Variants in STYXL1 observed in about 807,000 individuals in gnomAD.
STYXL1 encodes the protein serine/threonine/tyrosine interacting like 1, also known as serine/threonine/tyrosine-interacting-like protein 1.
In STYXL1, 32 loss-of-function variants were observed where a neutral mutation model predicts 36.4. The observed-to-expected ratio is 0.88, with a 90% CI of 0.66 to 1.18. STYXL1 has a LOEUF of 1.18. Among genes scored for constraint, STYXL1 ranks in the 50% most tolerant of loss-of-function variants. The pLI is 0.00. For synonymous variants in STYXL1, 133 were observed against 144.1 expected (o/e 0.92, Z 0.55); for missense variants, 354 against 394.1 (o/e 0.90, Z 0.86).
At chr7:76,045,163 C>T (rs782106709) in intron 1 of STYXL1, 4 of 152,202 alleles carry the variant, frequency 2.6e-5, no homozygotes, top group Non-Finnish European at 4.4e-5. Flanking sequence ...TCTTTCACTC[C>T]TCAAACCCAG....
chr7:76,017,172 A>C (rs1793475953), intron 4 of STYXL1, among the ~76,000 whole-genome samples: 1 of 151,882 alleles, frequency 6.6e-6, no homozygotes, highest in South Asian at 2.1e-4. Flanking sequence ...ACAGGCATGC[A>C]CCACCATGCC....
At chr7:76,015,453 T>C (rs868914797) in intron 4 of STYXL1, among the ~76,000 whole-genome samples, 15 of 152,304 alleles carry the variant, frequency 9.8e-5, no homozygotes, top group African/African-American at 3.4e-4. Flanking sequence ...TTCTTGACAT[T>C]GGCCTTGGCA....
Position 76,040,727 on chromosome 7 carries a change from T to C in STYXL1, c.-5+6935A>G, listed in dbSNP as rs557114240. On this transcript the variant is annotated intron_variant, in intron 1 of 8. Coordinates refer to ENST00000359697, the MANE Select transcript of STYXL1 (RefSeq NM_001317785.2). Reference sequence around the variant, plus strand: ...GGCGCATACCTGTAATCCCAGCTACTCCGGAGGCTGAGGCAGGAAAATCGC... The same window carrying C: ...GGCGCATACCTGTAATCCCAGCTACCCCGGAGGCTGAGGCAGGAAAATCGC... 3.3e-5 allele frequency among the ~76,000 whole-genome samples: 5 copies of C among 151,518 alleles called. No homozygotes were observed. In the South Asian group the frequency reaches 1.0e-3, roughly 32 times the overall value.
chr7:76,016,905 T>C (rs568442219), intron 4 of STYXL1, among the ~76,000 whole-genome samples: 1 of 152,230 alleles, frequency 6.6e-6, no homozygotes, highest in Admixed American at 6.5e-5. Flanking sequence ...AAAGAAAATA[T>C]ATTGTTACAC....
intron 1 of STYXL1, among the ~76,000 whole-genome samples, chr7:76,035,418 C>T (rs539532390): frequency 7.3e-6 from 1 of 137,250 alleles, no homozygotes; most frequent in East Asian, 1.9e-4. Flanking sequence ...CCTGTCTTGT[C>T]CACTGCTAGG....
chr7:76,006,411 G>A (rs1791773062), intron 5 of STYXL1, among the ~76,000 whole-genome samples: 1 of 152,078 alleles, frequency 6.6e-6, no homozygotes, highest in Non-Finnish European at 1.5e-5. Flanking sequence ...GAGGGGTAGA[G>A]AGAACAAGAC....
At chr7:76,025,721 T>C (rs138773250) in intron 3 of STYXL1, among the ~76,000 whole-genome samples, 342 of 150,956 alleles carry the variant, frequency 2.3e-3, no homozygotes, top group Non-Finnish European at 3.9e-3. Context: ...ACTTGGGAGA[T>C]GGAGGTTGCA....
chr7:76,027,348 A>C (rs972502515), intron 3 of STYXL1, among the ~76,000 whole-genome samples: 6 of 152,050 alleles, frequency 3.9e-5, no homozygotes, highest in Non-Finnish European at 8.8e-5. Flanking sequence ...ATGGGAAGGA[A>C]AAAAGGGAGA....
At position 76,020,878 on chromosome 7, in the gene STYXL1, G is replaced by A. The variant is rs888037564; in HGVS notation, c.307+973C>T. Among the ~76,000 whole-genome samples the A allele has an allele frequency of 5.9e-5, 9 of 152,154 alleles. No homozygotes were observed. In the South Asian group the frequency reaches 1.7e-3, roughly 28 times the overall value. On this transcript the variant is annotated intron_variant, in intron 4 of 8. Coordinates refer to ENST00000359697, the MANE Select transcript of STYXL1 (RefSeq NM_001317785.2). Reference sequence around the variant, plus strand: ...TCTGCAGATCCAAGTAAAGCCCTTGGTTCCTGGTGCATGGCACACATGGAA... The same window carrying A: ...TCTGCAGATCCAAGTAAAGCCCTTGATTCCTGGTGCATGGCACACATGGAA...
intron 5 of STYXL1, among the ~76,000 whole-genome samples, chr7:76,008,673 G>A (rs534448860): frequency 1.9e-4 from 29 of 152,266 alleles, no homozygotes; most frequent in African/African-American, 6.0e-4. Flanking sequence ...TCAGCTTGCT[G>A]GTGCCAAATG....
At chr7:76,001,154 A>T in intron 7 of STYXL1, 152 bp from the exon 8 acceptor site, 1 of 646,706 alleles carries the variant, frequency 1.5e-6, no homozygotes, top group South Asian at 1.7e-5. Flanking sequence ...TTTCTCTGGG[A>T]GCCCATTTCA....
chr7:76,025,427 G>A (rs1449680136), intron 3 of STYXL1, among the ~76,000 whole-genome samples: 7 of 152,188 alleles, frequency 4.6e-5, no homozygotes, highest in Admixed American at 4.6e-4. Flanking sequence ...AGCTGAGTGG[G>A]AATAGAGGCC....
chr7:76,009,672 A>G (rs1266901103), intron 5 of STYXL1, among the ~76,000 whole-genome samples: 1 of 152,154 alleles, frequency 6.6e-6, no homozygotes, highest in South Asian at 2.1e-4. Context: ...GCCTCCCAAA[A>G]TGCTGGGATT....
At chr7:76,038,749 G>A (rs1413438458) in intron 1 of STYXL1, among the ~76,000 whole-genome samples, 1 of 141,244 alleles carries the variant, frequency 7.1e-6, no homozygotes, top group Non-Finnish European at 1.5e-5. Context: ...GCCTCAAGGC[G>A]AGCTAACTAA....
Position 75,999,491 on chromosome 7 carries a change from T to TTATG in STYXL1, c.810+1398_810+1399insCATA, listed in dbSNP as rs1554565569. Among the ~76,000 whole-genome samples, 24 of 111,284 alleles carry TTATG rather than the reference T, an allele frequency of 2.2e-4. No individual in the cohort carries two copies. The South Asian group carries it at 6.7e-3, about 31-fold the overall frequency. 73.0% of individuals were successfully genotyped at this position (111,284 alleles called of 152,430 possible). Reference sequence around the variant, plus strand: ...AATAGTTAAGATGGTAATTTTTTTGTTGTGTGTGTGTGTGTGTGTATGTGT... The same window carrying TTATG: ...AATAGTTAAGATGGTAATTTTTTTGTTATGTGTGTGTGTGTGTGTGTGTATGTGT... On this transcript the variant is annotated intron_variant, in intron 8 of 8. Coordinates refer to ENST00000359697, the MANE Select transcript of STYXL1 (RefSeq NM_001317785.2).
Position 76,005,359 on chromosome 7 carries a change from T to G in STYXL1, c.499A>C (p.Lys167Gln). The G allele has an allele frequency of 6.2e-7, 1 of 1,613,538 alleles. No homozygotes were observed. The highest frequency in any genetic ancestry group is 8.5e-7 in the Non-Finnish European group (1 of 1,179,606). Residue 167 changes from lysine (K) to glutamine (Q), a missense_variant, in exon 6 of 9, where the codon AAG (lysine) becomes CAG (glutamine). By Grantham distance (53) the Lys-to-Gln change is moderately conservative. Coordinates refer to ENST00000359697, the MANE Select transcript of STYXL1 (RefSeq NM_001317785.2). ...TGACTGAAATTGCCAACGAAGACCT[T>G]CCCTGGCACGATTTCAATGGGGTAT... ...QPYPIEIVPG[K>Q]VFVGNFSQAC... is the part of the protein sequence containing the mutation.
intron 7 of STYXL1, among the ~76,000 whole-genome samples, chr7:76,001,440 C>A (rs1306047521): frequency 6.6e-6 from 1 of 152,132 alleles, no homozygotes; most frequent in Non-Finnish European, 1.5e-5. Flanking sequence ...CCTTTCCTTC[C>A]CCCATCTCCT....
chr7:76,002,906 C>T (rs1791155170), intron 7 of STYXL1, among the ~76,000 whole-genome samples: 1 of 152,010 alleles, frequency 6.6e-6, no homozygotes, highest in Non-Finnish European at 1.5e-5. Flanking sequence ...CCTGGGTGAA[C>T]AAGCCAGACC....
intron 4 of STYXL1, among the ~76,000 whole-genome samples, chr7:76,021,446 C>T (rs1324721527): frequency 6.6e-6 from 1 of 152,134 alleles, no homozygotes; most frequent in Admixed American, 6.6e-5. Flanking sequence ...ACTGTTTTCC[C>T]TTTGAGATAT....
Sources: gnomAD v4.1 joint callset for allele counts (sites outside exome capture counted in the v4.1 genomes callset) on GRCh38, gnomAD v4.1.1 for gene constraint, MANE v1.5 for transcripts, NCBI Gene and HGNC (gene_info 2026-07-23, HGNC 2026-07-21) for gene names.